The following SCFD2 variants were observed in gnomAD, a reference collection of about 807,000 sequenced individuals.
SCFD2 encodes sec1 family domain containing 2.
In SCFD2, 54 loss-of-function variants were observed where a neutral mutation model predicts 58.9. The ratio of observed to expected loss-of-function variants is 0.92; its 90% CI spans 0.74 to 1.15. SCFD2 has a LOEUF of 1.15. Ranked by LOEUF, SCFD2 falls within the 50% of genes most tolerant of loss-of-function variation. SCFD2 has a pLI of 0.00. For missense variants in SCFD2, 805 were observed against 836.6 expected, an observed-to-expected ratio of 0.96 and a Z score of 0.47; for synonymous variants, 321 against 335.9, an observed-to-expected ratio of 0.96 and a Z score of 0.49.
chr4:53,227,757 T>C (rs571023055), intron 4 of SCFD2, among the ~76,000 whole-genome samples: 3 of 152,162 alleles, frequency 2.0e-5, no homozygotes, highest in Non-Finnish European at 4.4e-5. Context: ...TATATATTTA[T>C]TCATAAAACA....
intron 2 of SCFD2, among the ~76,000 whole-genome samples, chr4:53,335,415 C>G (rs1395113225): frequency 6.6e-6 from 1 of 152,084 alleles, no homozygotes; most frequent in Non-Finnish European, 1.5e-5. Context: ...GAGGGAATGA[C>G]AAGTGAATGC....
chr4:53,342,715 A>T (rs1733920389), intron 2 of SCFD2, among the ~76,000 whole-genome samples: 2 of 152,142 alleles, frequency 1.3e-5, no homozygotes, highest in South Asian at 4.1e-4. Context: ...GAAGTAAAGC[A>T]CTCCTCAGCA....
chr4:52,984,520 A>G (rs1030742128), intron 5 of SCFD2, among the ~76,000 whole-genome samples: 8 of 152,200 alleles, frequency 5.3e-5, no homozygotes, highest in Admixed American at 1.3e-4. Context: ...TAGACTCATA[A>G]AAGAGCTTAC....
intron 7 of SCFD2, among the ~76,000 whole-genome samples, chr4:52,893,614 G>T (rs1043804076): frequency 6.6e-6 from 1 of 152,210 alleles, no homozygotes; most frequent in Non-Finnish European, 1.5e-5. Flanking sequence ...GTTACAATGT[G>T]ACCCTGTCCT....
At chr4:53,248,232 G>A (rs1464801301) in intron 4 of SCFD2, among the ~76,000 whole-genome samples, 7 of 152,176 alleles carry the variant, frequency 4.6e-5, no homozygotes, top group Non-Finnish European at 5.9e-5. Context: ...AGGAAACGGC[G>A]CACCAGGAAA....
chr4:53,227,405 C>A (rs1729253136), intron 4 of SCFD2, among the ~76,000 whole-genome samples: 1 of 152,094 alleles, frequency 6.6e-6, no homozygotes, highest in Non-Finnish European at 1.5e-5. Context: ...CTTAAATAAA[C>A]CCATATAAGC....
rs185754518 is a variant in SCFD2, at chr4:53,136,885, G to T, written c.1561+8448C>A. Among the ~76,000 whole-genome samples, 3 of 152,252 alleles carry T rather than the reference G, an allele frequency of 2.0e-5. No individual in the cohort carries two copies. In the East Asian group the frequency reaches 5.8e-4, roughly 29 times the overall value. On this transcript the variant is annotated intron_variant, in intron 5 of 8. Transcript: ENST00000401642. ...TGGTCAATAAATATTGATAATCTGA[G>T]AATGTTTATGATATAAGTCCAGCAC...
chr4:53,261,025 G>A (rs901696745), intron 4 of SCFD2, among the ~76,000 whole-genome samples: 44 of 152,258 alleles, frequency 2.9e-4, no homozygotes, highest in African/African-American at 1.0e-3. Flanking sequence ...GGTGTTCACA[G>A]TAGCCTTGAA....
At chr4:53,140,782 G>A (rs367955841) in intron 5 of SCFD2, among the ~76,000 whole-genome samples, 2 of 152,248 alleles carry the variant, frequency 1.3e-5, no homozygotes, top group African/African-American at 4.8e-5. Flanking sequence ...GTTACCACAG[G>A]TGAGGTTGTG....
At chr4:53,249,636 G>C (rs148639178) in intron 4 of SCFD2, among the ~76,000 whole-genome samples, 377 of 152,326 alleles carry the variant, frequency 2.5e-3, no homozygotes, top group African/African-American at 8.7e-3. Context: ...CCAGAAGAGA[G>C]TGGGGGCCAA....
chr4:53,358,518 A>C (rs1734461908), intron 1 of SCFD2, among the ~76,000 whole-genome samples: 1 of 149,900 alleles, frequency 6.7e-6, no homozygotes, highest in South Asian at 2.1e-4. Flanking sequence ...GTGCCATTGC[A>C]CTCCAGCCTG....
intron 5 of SCFD2, among the ~76,000 whole-genome samples, chr4:53,021,101 A>G (rs1283839356): frequency 6.6e-6 from 1 of 152,200 alleles, no homozygotes; most frequent in Non-Finnish European, 1.5e-5. Context: ...ATGACAATAT[A>G]CTAATAATGT....
chr4:53,317,924 C>T (rs1732914057), intron 2 of SCFD2, among the ~76,000 whole-genome samples: 1 of 152,272 alleles, frequency 6.6e-6, no homozygotes, highest in African/African-American at 2.4e-5. Context: ...GTAGTAGTAG[C>T]AGCAGCAGTA....
At chr4:53,279,594 A>G (rs566971366) in intron 3 of SCFD2, among the ~76,000 whole-genome samples, 3 of 152,246 alleles carry the variant, frequency 2.0e-5, no homozygotes, top group South Asian at 2.1e-4. Context: ...TATTATGTCA[A>G]TATAGTTTGT....
intron 4 of SCFD2, among the ~76,000 whole-genome samples, chr4:53,206,506 T>C (rs1472225363): frequency 1.3e-5 from 2 of 152,026 alleles, no homozygotes; most frequent in Non-Finnish European, 2.9e-5. Flanking sequence ...ATAGAAAACA[T>C]GTTTGCTCCA....
intron 6 of SCFD2, among the ~76,000 whole-genome samples, chr4:52,920,160 C>T (rs1283821389): frequency 6.6e-6 from 1 of 152,186 alleles, no homozygotes; most frequent in Non-Finnish European, 1.5e-5. Context: ...TGAGTTTTTA[C>T]ACAGCAATTA....
intron 7 of SCFD2, among the ~76,000 whole-genome samples, chr4:52,890,942 T>C (rs1718865422): frequency 6.6e-6 from 1 of 152,088 alleles, no homozygotes; most frequent in Non-Finnish European, 1.5e-5. Context: ...GCTCCTCCAC[T>C]CAGTTTCTCT....
chr4:53,031,835 A>AGAATGGAACCAAGGTTCCATTG (rs576453583), intron 5 of SCFD2, among the ~76,000 whole-genome samples: 30 of 152,366 alleles, frequency 2.0e-4, no homozygotes, highest in African/African-American at 7.2e-4. Flanking sequence ...AGTGACGAGG[A>AGAATGGAACCAAGGTTCCATTG]GAATGGAACC....
chr4:53,171,956 ATTAT>A (rs139737323), intron 4 of SCFD2, among the ~76,000 whole-genome samples: 12,334 of 149,452 alleles, frequency 0.083, 567 homozygotes, highest in East Asian at 0.16. Flanking sequence ...CATTGATTTG[ATTAT>A]TTATTTATTT....
Sources: gnomAD v4.1 joint callset for allele counts (sites outside exome capture counted in the v4.1 genomes callset) on GRCh38, gnomAD v4.1.1 for gene constraint, MANE v1.5 for transcripts, NCBI Gene and HGNC (gene_info 2026-07-23, HGNC 2026-07-21) for gene names.